The following ARHGAP6 variants were observed in gnomAD, a reference collection of about 807,000 sequenced individuals.
ARHGAP6 encodes the protein Rho GTPase activating protein 6, also known as rho GTPase-activating protein 6.
Under a neutral mutation model 55.7 loss-of-function variants are expected in ARHGAP6, and 16 were observed. That is an observed-to-expected ratio of 0.29 (90% CI 0.19 to 0.44). ARHGAP6 has a LOEUF of 0.44. Among genes scored for constraint, ARHGAP6 ranks in the 20% least tolerant of loss-of-function variants. ARHGAP6 has a pLI of 1.00. For missense variants in ARHGAP6, 698 were observed against 808.9 expected (o/e 0.86, Z 1.66); for synonymous variants, 382 against 360.9 (o/e 1.06, Z -0.66).
chrX:11,435,067 T>A (rs758337897), intron 1 of ARHGAP6, among the ~76,000 whole-genome samples: 84 of 112,042 alleles, frequency 7.5e-4, no homozygotes, highest in Middle Eastern at 4.6e-3. Context: ...TGGAGGCATA[T>A]CTGGTTGCTG....
intron 1 of ARHGAP6, among the ~76,000 whole-genome samples, chrX:11,568,215 T>G (rs1472002336): frequency 8.9e-6 from 1 of 112,179 alleles, no homozygotes; most frequent in Non-Finnish European, 1.9e-5. Context: ...AAAAATAGTG[T>G]GGCGTCAGCA....
intron 1 of ARHGAP6, among the ~76,000 whole-genome samples, chrX:11,556,147 T>TCA (rs1158156869): frequency 8.9e-6 from 1 of 111,936 alleles, no homozygotes; most frequent in African/African-American, 3.3e-5. Flanking sequence ...CATATCCTTA[T>TCA]CATTAAGCAC....
intron 1 of ARHGAP6, among the ~76,000 whole-genome samples, chrX:11,541,078 T>A (rs1470665078): frequency 8.9e-6 from 1 of 112,306 alleles, no homozygotes; most frequent in Non-Finnish European, 1.9e-5. Flanking sequence ...ATAGTGGGGC[T>A]AACAGATCAG....
At chrX:11,636,389 T>C (rs2052420034) in intron 1 of ARHGAP6, among the ~76,000 whole-genome samples, 1 of 111,610 alleles carries the variant, frequency 9.0e-6, no homozygotes, top group Non-Finnish European at 1.9e-5. Flanking sequence ...TTTAATATTT[T>C]TACTGTCAGC....
chrX:11,590,442 T>C (rs758672729), intron 1 of ARHGAP6, among the ~76,000 whole-genome samples: 21 of 90,898 alleles, frequency 2.3e-4, no homozygotes, highest in Admixed American at 1.9e-3. Context: ...CTTTTAAAAA[T>C]TGTTGAATTA....
chrX:11,265,947 G>T (rs1718893566), intron 1 of ARHGAP6: 1 of 947,091 alleles, frequency 1.1e-6, no homozygotes, highest in African/African-American at 2.1e-5. Flanking sequence ...TCATTGAGAA[G>T]TTCCTGTCCT....
At chrX:11,648,617 G>A (rs771896327) in intron 1 of ARHGAP6, among the ~76,000 whole-genome samples, 1 of 111,928 alleles carries the variant, frequency 8.9e-6, no homozygotes, top group South Asian at 3.7e-4. Context: ...CTTATAGCTT[G>A]TGTACCCTCA....
At chrX:11,594,649 C>A (rs2051879531) in intron 1 of ARHGAP6, among the ~76,000 whole-genome samples, 1 of 111,259 alleles carries the variant, frequency 9.0e-6, no homozygotes, top group South Asian at 3.8e-4. Flanking sequence ...AAGGTGCATA[C>A]TCCTTATGAG....
intron 10 of ARHGAP6, among the ~76,000 whole-genome samples, chrX:11,154,955 T>G (rs1390338011): frequency 8.9e-6 from 1 of 112,032 alleles, no homozygotes; most frequent in Non-Finnish European, 1.9e-5. Flanking sequence ...TTGGTCCTAT[T>G]TGAATCAGAA....
In ARHGAP6 at chrX:11,413,521, G is replaced by A. The variant is rs370641587; in HGVS notation, c.589-158814C>T. 1.7e-4 allele frequency among the ~76,000 whole-genome samples: 19 copies of A among 112,112 alleles called. No individual in the cohort carries two copies. The South Asian group carries it at 5.6e-3, about 33-fold the overall frequency. ...TCACCCCCAGCTCTTGTGGCTGAGC[G>A]CTCAGCAAGCCACACGGAGTTTAAA... On this transcript the variant is annotated intron_variant, in intron 1 of 12. Transcript: ENST00000337414.
chrX:11,367,058 G>A (rs1181716971), intron 1 of ARHGAP6, among the ~76,000 whole-genome samples: 1 of 111,352 alleles, frequency 9.0e-6, no homozygotes, highest in Admixed American at 9.6e-5. Flanking sequence ...ACGTTGTCAG[G>A]AAAAAACAGC....
At chrX:11,348,443 G>A (rs1325636856) in intron 1 of ARHGAP6, among the ~76,000 whole-genome samples, 2 of 110,942 alleles carry the variant, frequency 1.8e-5, no homozygotes, top group Non-Finnish European at 3.8e-5. Flanking sequence ...CACTGGGTTG[G>A]GATCAGAAGT....
chrX:11,158,540 A>G (rs2045896114), intron 9 of ARHGAP6, among the ~76,000 whole-genome samples: 1 of 112,416 alleles, frequency 8.9e-6, no homozygotes, highest in Non-Finnish European at 1.9e-5. Flanking sequence ...CAGCTTTCAA[A>G]TTTGTCTGCT....
At chrX:11,480,775 C>T (rs947212094) in intron 1 of ARHGAP6, among the ~76,000 whole-genome samples, 4 of 111,462 alleles carry the variant, frequency 3.6e-5, no homozygotes, top group East Asian at 5.7e-4. Context: ...CAAATTTCCC[C>T]TGGGTTACTA....
chrX:11,535,114 G>C (rs1383885281), intron 1 of ARHGAP6, among the ~76,000 whole-genome samples: 2 of 111,413 alleles, frequency 1.8e-5, no homozygotes, highest in Non-Finnish European at 3.8e-5. Flanking sequence ...GAGCTGGTAG[G>C]AATAAATTAT....
At chrX:11,566,790 A>T (rs1367925921) in intron 1 of ARHGAP6, among the ~76,000 whole-genome samples, 1 of 112,623 alleles carries the variant, frequency 8.9e-6, no homozygotes, top group Non-Finnish European at 1.9e-5. Flanking sequence ...AGAGCAAAAA[A>T]GGATTGCAAA....
intron 1 of ARHGAP6, among the ~76,000 whole-genome samples, chrX:11,639,241 C>A (rs35968031): frequency 0.19 from 20,530 of 110,244 alleles, 1,897 homozygotes; most frequent in African/African-American, 0.34. Context: ...ACTTTAAGTT[C>A]TAGGGTACAT....
intron 1 of ARHGAP6, among the ~76,000 whole-genome samples, chrX:11,530,845 T>C (rs1283960627): frequency 9.0e-6 from 1 of 111,686 alleles, no homozygotes; most frequent in African/African-American, 3.3e-5. Context: ...TGCCAAGTAC[T>C]GGGAGAAAAG....
chrX:11,230,126 T>C (rs1157484315), intron 2 of ARHGAP6, among the ~76,000 whole-genome samples: 1 of 112,253 alleles, frequency 8.9e-6, no homozygotes, highest in Non-Finnish European at 1.9e-5. Flanking sequence ...CTGGGCTATC[T>C]GACTATTCTA....
Sources: gnomAD v4.1 joint callset for allele counts (sites outside exome capture counted in the v4.1 genomes callset) on GRCh38, gnomAD v4.1.1 for gene constraint, MANE v1.5 for transcripts, NCBI Gene and HGNC (gene_info 2026-07-23, HGNC 2026-07-21) for gene names.